The following ADGRD1 variants were observed in gnomAD, a reference collection of about 807,000 sequenced individuals.
The protein encoded by ADGRD1 is adhesion G protein-coupled receptor D1, also known as G-protein coupled receptor 133.
A neutral mutation model predicts 113.4 loss-of-function variants in ADGRD1; 77 were observed. That is an observed-to-expected ratio of 0.68 (90% confidence interval 0.57 to 0.82). The LOEUF is 0.82. Ranked by LOEUF, ADGRD1 falls within the 40% of genes least tolerant of loss-of-function variation. The probability of loss-of-function intolerance (pLI) is 0.00; values close to 1 mark genes in which losing one functional copy is unlikely to be tolerated. For missense variants in ADGRD1, 1,036 were observed against 1,139.1 expected (o/e 0.91, Z 1.30); for synonymous variants, 474 against 475.0 (o/e 1.00, Z 0.03).
In ADGRD1 at chr12:131,050,481, G is replaced by C. The variant is rs1385404460; in HGVS notation, c.1474-26320G>C. On this transcript the variant is annotated intron_variant, in intron 13 of 24. Transcript: ENST00000261654. The surrounding 1 kb of genome is among the most constrained non-coding windows in gnomAD (Gnocchi z 4.8). ...AGAGGTTTAATTGCCTCACGGTTCTGCAGGGGGAACAGGAAGCATGGTGCT... is the reference window on the plus strand; with the variant it reads ...AGAGGTTTAATTGCCTCACGGTTCTCCAGGGGGAACAGGAAGCATGGTGCT... Among the ~76,000 whole-genome samples the C allele has an allele frequency of 6.6e-6, 1 of 152,190 alleles. No individual in the cohort carries two copies. The highest frequency in any genetic ancestry group is 2.4e-5 in the African/African-American group (1 of 41,446).
chr12:131,110,286 T>C (rs549259647), intron 18 of ADGRD1, among the ~76,000 whole-genome samples: 1 of 152,212 alleles, frequency 6.6e-6, no homozygotes, highest in South Asian at 2.1e-4. Context: ...ATTCTTCCTT[T>C]ACTTCTTTCT....
intron 13 of ADGRD1, among the ~76,000 whole-genome samples, chr12:131,062,006 T>TTGATTTTA (rs1884367761): frequency 6.6e-6 from 1 of 152,162 alleles, no homozygotes; most frequent in South Asian, 2.1e-4. Context: ...GAACCACAGT[T>TTGATTTTA]TGATTTTTTT....
intron 15 of ADGRD1, among the ~76,000 whole-genome samples, chr12:131,094,012 CTCAGCACCCAGCG>C (rs1887101901): frequency 6.7e-6 from 1 of 149,452 alleles, no homozygotes; most frequent in African/African-American, 2.5e-5. Flanking sequence ...AGCACCCAGC[CTCAGCACCCAGCG>C]TCAGCACCCA....
chr12:131,100,511 T>C (rs771936838), intron 15 of ADGRD1, among the ~76,000 whole-genome samples: 16 of 152,130 alleles, frequency 1.1e-4, no homozygotes, highest in Non-Finnish European at 2.1e-4. Context: ...TGATGATGCA[T>C]TGTTTGAACG....
chr12:130,973,217 G>A (rs922738341), intron 4 of ADGRD1: 2 of 152,176 alleles, frequency 1.3e-5, no homozygotes, highest in African/African-American at 2.4e-5. Context: ...AGGTCGAACA[G>A]AGCCTGTCCG....
intron 15 of ADGRD1, among the ~76,000 whole-genome samples, chr12:131,103,510 T>C (rs551260694): frequency 4.7e-4 from 71 of 152,366 alleles, no homozygotes; most frequent in Non-Finnish European, 7.5e-4. Flanking sequence ...AGGCGGTGCT[T>C]GCTGAGTGTT....
chr12:131,036,143 C>T (rs1032700676), intron 13 of ADGRD1, among the ~76,000 whole-genome samples: 11 of 152,030 alleles, frequency 7.2e-5, no homozygotes, highest in South Asian at 2.1e-4. Flanking sequence ...AGCCTTGCAG[C>T]GAGTCTTACT....
intron 13 of ADGRD1, among the ~76,000 whole-genome samples, chr12:131,021,930 C>T (rs1026608039): frequency 1.3e-5 from 2 of 152,154 alleles, no homozygotes; most frequent in Non-Finnish European, 2.9e-5. Flanking sequence ...TGGTCTTGAA[C>T]TCCTGGGCTC....
At chr12:131,111,155 C>A (rs1176738274) in intron 18 of ADGRD1, among the ~76,000 whole-genome samples, 1 of 151,940 alleles carries the variant, frequency 6.6e-6, no homozygotes, top group East Asian at 1.9e-4. Context: ...TGCAGTGGCA[C>A]CATCTCGGCT....
intron 23 of ADGRD1, chr12:131,137,741 C>T (rs1951128002): frequency 7.1e-6 from 2 of 281,098 alleles, no homozygotes; most frequent in African/African-American, 2.2e-5. Context: ...CCCTTGATCG[C>T]AACGCCCAGT....
chr12:131,128,321 C>G (rs1026214389), intron 20 of ADGRD1, among the ~76,000 whole-genome samples: 1 of 151,746 alleles, frequency 6.6e-6, no homozygotes, highest in African/African-American at 2.4e-5. Context: ...GGGAACTCTG[C>G]ACTCACTCAA....
rs977844881 is a variant in ADGRD1, at chr12:130,966,868, C to G, written c.187+322C>G. On this transcript the variant is annotated intron_variant, in intron 3 of 24. Transcript: ENST00000261654. The surrounding 1 kb of genome is among the most constrained non-coding windows in gnomAD (Gnocchi z 4.6). Reference sequence around the variant, plus strand: ...GCTCCTGGCCTCAGCAATCCTCTGGCCTTGGCCTCCCAAAGTGCTGGAATT... The same window carrying G: ...GCTCCTGGCCTCAGCAATCCTCTGGGCTTGGCCTCCCAAAGTGCTGGAATT... 2 of 426,592 alleles carry G rather than the reference C, an allele frequency of 4.7e-6. No homozygotes were observed. The highest frequency in any genetic ancestry group is 9.5e-6 in the Non-Finnish European group (2 of 211,532). 26.4% of individuals were successfully genotyped at this position (426,592 alleles called of 1,614,324 possible). A position where few individuals can be genotyped will look rare whatever the true frequency, so the allele number is the denominator to read the frequency against.
At chr12:131,070,673 G>A (rs1885085930) in intron 13 of ADGRD1, 1 of 377,622 alleles carries the variant, frequency 2.6e-6, no homozygotes, top group Admixed American at 2.9e-5. Context: ...GAGGTGGGAG[G>A]AAAGCTGGTT....
chr12:131,080,193 TC>T (rs1193789203), intron 14 of ADGRD1, among the ~76,000 whole-genome samples: 2 of 152,252 alleles, frequency 1.3e-5, no homozygotes, highest in African/African-American at 4.8e-5. Context: ...TAAAATATTT[TC>T]TAATTTTCCT....
chr12:131,096,008 G>A lies in ADGRD1; in HGVS notation c.1672-8823G>A, dbSNP rs1384469236. Among the ~76,000 whole-genome samples the A allele has an allele frequency of 1.1e-5, 1 of 88,224 alleles. No individual in the cohort carries two copies. The highest frequency in any genetic ancestry group is 2.4e-5 in the Non-Finnish European group (1 of 40,878). 57.9% of individuals were successfully genotyped at this position (88,224 alleles called of 152,430 possible). The stretch of plus-strand genomic sequence containing the variant: ...GCCACCGTTCCCGCCTCCCAGCCCT[G>A]CCCAGAGCAGCGGCTTAGGGTCACG... On this transcript the variant is annotated intron_variant, in intron 15 of 24. Transcript: ENST00000261654. The surrounding 1 kb of genome is among the most constrained non-coding windows in gnomAD (Gnocchi z 5.2).
chr12:131,003,678 G>A lies in ADGRD1; in HGVS notation c.1144+376G>A, dbSNP rs1876690583. On this transcript the variant is annotated intron_variant, in intron 10 of 24. Coordinates refer to ENST00000261654, the MANE Select transcript of ADGRD1 (RefSeq NM_198827.5). This position sits in a 1 kb window ranked among gnomAD's most constrained non-coding sequence, Gnocchi z 4.8. ...GGGCTCCAGGGTAATTGTCACAGTT[G>A]TCTAATTGTAGAGGCAGAGGTGATG... Among the ~76,000 whole-genome samples the A allele has an allele frequency of 1.3e-5, 2 of 152,254 alleles. No homozygotes were observed.
At chr12:131,056,153 T>C (rs1566070567) in intron 13 of ADGRD1, among the ~76,000 whole-genome samples, 5 of 152,250 alleles carry the variant, frequency 3.3e-5, no homozygotes. Flanking sequence ...TATGAAAATA[T>C]TATTTTTTTC....
intron 12 of ADGRD1, among the ~76,000 whole-genome samples, chr12:131,007,651 C>T (rs1483435839): frequency 6.6e-6 from 1 of 152,244 alleles, no homozygotes; most frequent in Non-Finnish European, 1.5e-5. Flanking sequence ...CTGACGTCCC[C>T]CTGCAAACCG....
At chr12:131,122,256 G>C (rs1593252185) in intron 20 of ADGRD1, among the ~76,000 whole-genome samples, 1 of 152,260 alleles carries the variant, frequency 6.6e-6, no homozygotes, top group East Asian at 1.9e-4. Context: ...AGCAGAGGTG[G>C]TCGCGAGGGA....
Sources: gnomAD v4.1 joint callset for allele counts (sites outside exome capture counted in the v4.1 genomes callset) on GRCh38, gnomAD v4.1.1 for gene constraint, Gnocchi (gnomAD v3.1) non-coding constraint, MANE v1.5 for transcripts, NCBI Gene and HGNC (gene_info 2026-07-23, HGNC 2026-07-21) for gene names.